NUP210: variants seen among roughly 807,000 people sequenced by gnomAD.
NUP210 encodes nucleoporin 210.
A neutral mutation model predicts 196.0 loss-of-function variants in NUP210; 151 were observed. That is an observed-to-expected ratio of 0.77 (90% CI 0.67 to 0.88). NUP210 has a LOEUF of 0.88. NUP210 is among the 40% of genes least tolerant of loss of function. NUP210 has a pLI of 0.00. For missense variants in NUP210, 2,314 were observed against 2,493.7 expected, an observed-to-expected ratio of 0.93 and a Z score of 1.53; for synonymous variants, 1,070 against 1,052.7, an observed-to-expected ratio of 1.02 and a Z score of -0.32.
intron 3 of NUP210, among the ~76,000 whole-genome samples, chr3:13,395,043 G>T (rs565048821): frequency 6.6e-6 from 1 of 152,274 alleles, no homozygotes; most frequent in East Asian, 1.9e-4. Flanking sequence ...GAATGACCCA[G>T]TCTGTGGAGA....
Position 13,351,884 on chromosome 3 carries a change from C to T in NUP210, c.2830G>A (p.Ala944Thr), listed in dbSNP as rs433032. The T allele has an allele frequency of 3.7e-6, 6 of 1,611,074 alleles. No homozygotes were observed. The highest frequency in any genetic ancestry group is 2.2e-5 in the East Asian group (1 of 44,860). ...GACCGATGGCCCAAGCTTACCATGG[C>T]GACACCCCTGGCCTCCTGGTAGGCC... is the stretch of plus-strand genomic sequence containing the variant. ...KVAYQEARGV[A>T]MVHPLLPGSS... The change falls in exon 20 of 40, where the codon GCC (alanine) becomes ACC (threonine). Residue 944 changes from alanine to threonine, a missense_variant. By Grantham distance (58) the Ala-to-Thr change is moderately conservative. Coordinates refer to ENST00000254508, the MANE Select transcript of NUP210 (RefSeq NM_024923.4).
chr3:13,408,021 C>T (rs550427547), intron 1 of NUP210, among the ~76,000 whole-genome samples: 2 of 152,216 alleles, frequency 1.3e-5, no homozygotes, highest in Non-Finnish European at 1.5e-5. Context: ...CTTCCATGGA[C>T]ACTCAGAGGA....
At chr3:13,328,719 C>T (rs1696875845) in intron 31 of NUP210, 52 bp downstream of exon 31, 3 of 1,521,568 alleles carry the variant, frequency 2.0e-6, no homozygotes, top group Non-Finnish European at 2.7e-6. Flanking sequence ...GTTGTCTCTA[C>T]CAGGTACCAG....
Position 13,351,912 on chromosome 3 carries a change from C to A in NUP210, c.2802G>T (p.Lys934Asn), listed in dbSNP as rs747221006. The stretch of plus-strand genomic sequence containing the variant: ...CACCCCTGGCCTCCTGGTAGGCCAC[C>A]TTGACAACATCTGCGGTGCTGGTGT... ...FLNTSTADVV[K>N]VAYQEARGVA... The change falls in exon 20 of 40, where the codon AAG (lysine) becomes AAT (asparagine). Residue 934 changes from lysine (K) to asparagine (N), a missense_variant. Transcript: ENST00000254508. The A allele has an allele frequency of 6.2e-7, 1 of 1,613,970 alleles. No homozygotes were observed. Among genetic ancestry groups the A allele is most frequent in the Admixed American group, 1.7e-5 (1 of 60,008 alleles).
chr3:13,321,933 C>T, intron 35 of NUP210, 98 bp from the exon 36 acceptor site: 16 of 1,493,900 alleles, frequency 1.1e-5, no homozygotes, highest in Non-Finnish European at 1.4e-5. Flanking sequence ...TCCTATGCAT[C>T]CTCCAAAGCC....
rs779447464 is a variant in NUP210 at position 13,379,667 on chromosome 3, C to CTGT, written c.871_872insACA (p.Gly291delinsAspSer). On this transcript the variant is annotated protein_altering_variant, in exon 7 of 40. Transcript: ENST00000254508. This position sits in a 1 kb window ranked among gnomAD's most constrained non-coding sequence, Gnocchi z 4.2. The stretch of plus-strand genomic sequence containing the variant: ...CGGCCGGGCTGGGTCTCCTTCGGGG[C>CTGT]CCGGGATGCTGTTCTGAAGCTGCAA... 2 of 1,613,698 alleles carry CTGT rather than the reference C, an allele frequency of 1.2e-6. No individual in the cohort carries two copies. Among genetic ancestry groups the CTGT allele is most frequent in the Non-Finnish European group, 1.7e-6 (2 of 1,179,904 alleles).
chr3:13,358,536 G>C (rs1337586410), intron 15 of NUP210, 141 bp from the exon 16 acceptor site: 7 of 799,754 alleles, frequency 8.8e-6, no homozygotes, highest in Non-Finnish European at 1.4e-5. Context: ...CATGCCACAG[G>C]GTCTTAACAA....
chr3:13,411,834 G>A (rs955162338), intron 1 of NUP210, among the ~76,000 whole-genome samples: 3 of 152,170 alleles, frequency 2.0e-5, no homozygotes, highest in Non-Finnish European at 4.4e-5. Flanking sequence ...TCCGCCTCCC[G>A]GGTTCAAGCA....
At position 13,379,511 on chromosome 3, in the gene NUP210, C is replaced by T. The variant is rs185209565; in HGVS notation, c.976+52G>A. On this transcript the variant is annotated intron_variant, in intron 7 of 39. Coordinates refer to ENST00000254508, the MANE Select transcript of NUP210 (RefSeq NM_024923.4). The surrounding 1 kb of genome is among the most constrained non-coding windows in gnomAD (Gnocchi z 4.2). The stretch of plus-strand genomic sequence containing the variant: ...TTCAGGGAAAAAAAGACTTGACTTC[C>T]AAACAGCAGCTCCGCCATGCCTAAG... 1.8e-3 allele frequency: 2,914 copies of T among 1,609,340 alleles called. 3 individuals carry two copies. The highest frequency in any genetic ancestry group is 2.3e-3 in the Non-Finnish European group (2,678 of 1,177,834).
intron 28 of NUP210, among the ~76,000 whole-genome samples, chr3:13,334,830 C>T (rs1697142564): frequency 6.6e-6 from 1 of 152,208 alleles, no homozygotes; most frequent in Non-Finnish European, 1.5e-5. Flanking sequence ...GGCAGGAGAA[C>T]CACTAGACGC....
chr3:13,419,940 C>T, intron 1 of NUP210, 120 bp downstream of exon 1: 1 of 544,502 alleles, frequency 1.8e-6, no homozygotes, highest in Non-Finnish European at 2.4e-6. Context: ...CAGCCTAGCG[C>T]CCAGCGAGAG....
intron 1 of NUP210, among the ~76,000 whole-genome samples, chr3:13,407,445 G>A (rs1331806239): frequency 1.3e-5 from 2 of 152,054 alleles, no homozygotes; most frequent in Middle Eastern, 3.2e-3. Flanking sequence ...ATACCACCAA[G>A]GCATCCTTAA....
At chr3:13,343,076 G>C in intron 21 of NUP210, 99 bp downstream of exon 21, 1 of 1,443,110 alleles carries the variant, frequency 6.9e-7, no homozygotes. Flanking sequence ...GACCACAGGA[G>C]CAAAAGCAAA....
intron 2 of NUP210, among the ~76,000 whole-genome samples, chr3:13,398,615 C>T (rs1466742888): frequency 1.3e-5 from 2 of 152,138 alleles, no homozygotes; most frequent in Non-Finnish European, 2.9e-5. Flanking sequence ...TATAGGACAA[C>T]CTCCTGTTAA....
At chr3:13,411,064 T>A (rs1700160851) in intron 1 of NUP210, among the ~76,000 whole-genome samples, 1 of 151,344 alleles carries the variant, frequency 6.6e-6, no homozygotes, top group Admixed American at 6.6e-5. Flanking sequence ...ATAATAATAA[T>A]AAATAAAAAT....
At chr3:13,349,796 G>A (rs958028019) in intron 20 of NUP210, among the ~76,000 whole-genome samples, 2 of 152,248 alleles carry the variant, frequency 1.3e-5, no homozygotes, top group Non-Finnish European at 2.9e-5. Context: ...GTGCTGAAAG[G>A]CAACTGGGAG....
chr3:13,342,268 A>C, intron 21 of NUP210, 145 bp from the exon 22 acceptor site: 1 of 975,684 alleles, frequency 1.0e-6, no homozygotes, highest in South Asian at 1.6e-5. Context: ...TGACTTCTGG[A>C]CTATCAGCCA....
chr3:13,381,589 G>A (rs190609916), intron 6 of NUP210, among the ~76,000 whole-genome samples: 150 of 151,916 alleles, frequency 9.9e-4, no homozygotes, highest in African/African-American at 3.3e-3. Flanking sequence ...GATACCCCCT[G>A]TATCCTGGAA....
At chr3:13,409,354 C>T (rs184930900) in intron 1 of NUP210, among the ~76,000 whole-genome samples, 70 of 152,282 alleles carry the variant, frequency 4.6e-4, no homozygotes, top group East Asian at 4.4e-3. Flanking sequence ...ATGGACTAAG[C>T]GCCTTTATAA....
Sources: gnomAD v4.1 joint callset for allele counts (sites outside exome capture counted in the v4.1 genomes callset) on GRCh38, gnomAD v4.1.1 for gene constraint, Gnocchi (gnomAD v3.1) non-coding constraint, MANE v1.5 for transcripts, NCBI Gene and HGNC (gene_info 2026-07-23, HGNC 2026-07-21) for gene names.